CSMD3: variants seen among roughly 807,000 people sequenced by gnomAD.
CSMD3 encodes CUB and Sushi multiple domains 3.
A neutral mutation model predicts 435.2 loss-of-function variants in CSMD3; 177 were observed. The ratio of observed to expected loss-of-function variants is 0.41; its 90% CI spans 0.36 to 0.46. The LOEUF is 0.46. Ranked by LOEUF, CSMD3 falls within the 20% of genes least tolerant of loss-of-function variation. The pLI, the probability that CSMD3 is intolerant of heterozygous loss-of-function variation, is 0.34. For synonymous variants in CSMD3, 1,656 were observed against 1,520.5 expected (o/e 1.09, Z -2.07); for missense variants, 4,265 against 4,504.6 (o/e 0.95, Z 1.52).
intron 6 of CSMD3, among the ~76,000 whole-genome samples, chr8:112,996,705 T>C (rs1343726970): frequency 2.6e-5 from 4 of 151,652 alleles, no homozygotes; most frequent in African/African-American, 9.7e-5. Context: ...GGATTGTGTA[T>C]GTGTGTGCAT....
intron 45 of CSMD3, among the ~76,000 whole-genome samples, chr8:112,325,584 G>A (rs1823428939): frequency 6.6e-6 from 1 of 152,052 alleles, no homozygotes; most frequent in Non-Finnish European, 1.5e-5. Flanking sequence ...GCACGTAGCA[G>A]CATCCAATAA....
At chr8:113,104,034 A>T (rs2090405830) in intron 4 of CSMD3, among the ~76,000 whole-genome samples, 1 of 152,130 alleles carries the variant, frequency 6.6e-6, no homozygotes, top group Admixed American at 6.5e-5. Flanking sequence ...TAATAAAAAA[A>T]TAAACACAGC....
At position 112,962,792 on chromosome 8, in the gene CSMD3, T is replaced by C. The variant is rs553594951; in HGVS notation, c.1343-8031A>G. 9.5e-4 allele frequency among the ~76,000 whole-genome samples: 144 copies of C among 152,044 alleles called. 1 individual carries two copies. Among genetic ancestry groups the C allele is most frequent in the Non-Finnish European group, 1.7e-3 (114 of 67,900 alleles). On this transcript the variant is annotated intron_variant, in intron 7 of 70. Transcript: ENST00000297405. The stretch of plus-strand genomic sequence containing the variant: ...CCCATCTATGTTTTATATTTCCCTT[T>C]CCAGGTCCATTCTCCCTATTCTCCT...
intron 6 of CSMD3, among the ~76,000 whole-genome samples, chr8:112,991,608 T>C (rs376471225): frequency 6.6e-6 from 1 of 151,838 alleles, no homozygotes; most frequent in African/African-American, 2.4e-5. Context: ...TGAAATTCAA[T>C]ATGGTGTGCC....
chr8:113,420,166 T>C (rs2094602913), intron 1 of CSMD3, among the ~76,000 whole-genome samples: 1 of 152,126 alleles, frequency 6.6e-6, no homozygotes, highest in Admixed American at 6.6e-5. Context: ...AACATTTACA[T>C]ACTGGGTGAT....
chr8:112,573,971 T>C (rs1829740054), intron 23 of CSMD3, among the ~76,000 whole-genome samples: 1 of 151,970 alleles, frequency 6.6e-6, no homozygotes, highest in Non-Finnish European at 1.5e-5. Context: ...TACCTAAAGA[T>C]TGGTTTCTAA....
At chr8:113,422,632 C>T (rs890687696) in intron 1 of CSMD3, among the ~76,000 whole-genome samples, 2 of 152,028 alleles carry the variant, frequency 1.3e-5, no homozygotes, top group Non-Finnish European at 2.9e-5. Flanking sequence ...AAACAAGACC[C>T]TATCCTAGGG....
At chr8:112,430,678 T>G (rs1813568083) in intron 32 of CSMD3, among the ~76,000 whole-genome samples, 1 of 152,016 alleles carries the variant, frequency 6.6e-6, no homozygotes, top group Non-Finnish European at 1.5e-5. Flanking sequence ...ATAAATCACT[T>G]GGAAAAAGCC....
At chr8:113,127,694 C>T (rs2091173790) in intron 4 of CSMD3, among the ~76,000 whole-genome samples, 1 of 151,998 alleles carries the variant, frequency 6.6e-6, no homozygotes, top group African/African-American at 2.4e-5. Flanking sequence ...TTAATCCATA[C>T]CCTGTAGAGC....
In CSMD3 at chr8:113,156,772, ATAAAT is replaced by A. The variant is rs1401512054; in HGVS notation, c.709+16945_709+16949del. 2.5e-4 allele frequency among the ~76,000 whole-genome samples: 37 copies of A among 149,800 alleles called. 1 individual carries two copies. Among genetic ancestry groups the A allele is most frequent in the Middle Eastern group, 6.9e-3 (2 of 290 alleles). ...AATAAATAAATAAATAAATAAATAA[ATAAAT>A]AAAGTTAGCCAGGCCTGGTGGCACA... On this transcript the variant is annotated intron_variant, in intron 4 of 70. Transcript: ENST00000297405.
In CSMD3 at chr8:112,895,917, TTTTG is replaced by T. The variant is rs564244594; in HGVS notation, c.1633+25706_1633+25709del. 3.8e-4 allele frequency among the ~76,000 whole-genome samples: 58 copies of T among 151,310 alleles called. No individual in the cohort carries two copies. The South Asian group carries it at 4.2e-3, about 11-fold the overall frequency. ...AAAAAGCAGAAGAAGAAAAAGTAGG[TTTTG>T]TTTGTTTGTTTGTTTTTTCCAAATC... On this transcript the variant is annotated intron_variant, in intron 10 of 70. Coordinates refer to ENST00000297405, the MANE Select transcript of CSMD3 (RefSeq NM_198123.2).
At chr8:113,399,784 G>T (rs1248093733) in intron 1 of CSMD3, among the ~76,000 whole-genome samples, 2 of 151,812 alleles carry the variant, frequency 1.3e-5, no homozygotes, top group African/African-American at 2.4e-5. Context: ...ATACTGAATT[G>T]TGCATTTTAA....
intron 13 of CSMD3, among the ~76,000 whole-genome samples, chr8:112,706,688 A>G (rs927160168): frequency 7.9e-5 from 12 of 152,036 alleles, no homozygotes; most frequent in African/African-American, 2.2e-4. Flanking sequence ...CTTGTGTCCA[A>G]TGTTAAGGGC....
intron 5 of CSMD3, among the ~76,000 whole-genome samples, chr8:113,082,491 CT>C (rs1008841116): frequency 6.6e-6 from 1 of 152,030 alleles, no homozygotes; most frequent in Non-Finnish European, 1.5e-5. Context: ...AGAAAAAAAA[CT>C]TTGCCCTATA....
intron 13 of CSMD3, among the ~76,000 whole-genome samples, chr8:112,785,695 TA>T (rs1286442539): frequency 6.6e-6 from 1 of 151,354 alleles, no homozygotes; most frequent in Admixed American, 6.6e-5. Context: ...TAGCTACAAA[TA>T]AAATAAAATA....
At chr8:112,451,802 T>A (rs1188776122) in intron 32 of CSMD3, among the ~76,000 whole-genome samples, 1 of 152,212 alleles carries the variant, frequency 6.6e-6, no homozygotes. Flanking sequence ...CCTCCCAAAG[T>A]GCTGGGATTA....
At chr8:112,712,560 G>A (rs1026847330) in intron 13 of CSMD3, among the ~76,000 whole-genome samples, 3 of 152,154 alleles carry the variant, frequency 2.0e-5, no homozygotes, top group East Asian at 3.9e-4. Flanking sequence ...TAGAGTAACT[G>A]GATTAATATT....
chr8:112,269,948 A>G (rs2130459829), intron 59 of CSMD3, among the ~76,000 whole-genome samples: 1 of 152,330 alleles, frequency 6.6e-6, no homozygotes, highest in African/African-American at 2.4e-5. Flanking sequence ...CCAGGAGGCA[A>G]CTAGTTATTC....
At chr8:112,367,911 G>A (rs921823178) in intron 38 of CSMD3, among the ~76,000 whole-genome samples, 2 of 151,956 alleles carry the variant, frequency 1.3e-5, no homozygotes, top group Non-Finnish European at 2.9e-5. Flanking sequence ...ATTTATTAAG[G>A]GTTTACTATA....
Sources: gnomAD v4.1 joint callset for allele counts (sites outside exome capture counted in the v4.1 genomes callset) on GRCh38, gnomAD v4.1.1 for gene constraint, MANE v1.5 for transcripts, NCBI Gene and HGNC (gene_info 2026-07-23, HGNC 2026-07-21) for gene names.